SGCD: variants seen among roughly 807,000 people sequenced by gnomAD.
SGCD encodes the protein delta-sarcoglycan.
SGCD carries 18 observed loss-of-function variants against 36.6 expected under a neutral mutation model. That is an observed-to-expected ratio of 0.49 (90% CI 0.34 to 0.73). The LOEUF (loss-of-function observed/expected upper bound fraction) is 0.73. SGCD is among the 30% of genes least tolerant of loss of function. The probability of loss-of-function intolerance (pLI) is 0.01; values close to 1 mark genes in which losing one functional copy is unlikely to be tolerated. For missense variants in SGCD, 387 were observed against 346.7 expected (o/e 1.12, Z -0.92); for synonymous variants, 133 against 130.6 (o/e 1.02, Z -0.12).
At chr5:156,486,712 CA>C (rs1755679970) in intron 3 of SGCD, among the ~76,000 whole-genome samples, 1 of 152,170 alleles carries the variant, frequency 6.6e-6, no homozygotes, top group Non-Finnish European at 1.5e-5. Flanking sequence ...ACTTGCCTTC[CA>C]GGGGCATGAG....
intron 4 of SGCD, among the ~76,000 whole-genome samples, chr5:156,543,185 G>A (rs1043376526): frequency 6.6e-6 from 1 of 152,192 alleles, no homozygotes; most frequent in African/African-American, 2.4e-5. Flanking sequence ...TATTGCGGGA[G>A]CTGTCCTGTG....
chr5:155,803,256 A>T, the SGCD span, among the ~76,000 whole-genome samples: 30 of 152,350 alleles, frequency 2.0e-4, 1 homozygote, highest in South Asian at 4.6e-3. Context: ...AAAAGCCGAA[A>T]GAGCAGCCAG....
At chr5:156,539,500 A>G (rs1758264152) in intron 4 of SGCD, among the ~76,000 whole-genome samples, 1 of 152,022 alleles carries the variant, frequency 6.6e-6, no homozygotes, top group Non-Finnish European at 1.5e-5. Flanking sequence ...ATAAGTGAGG[A>G]CATAGGATAT....
chr5:156,204,540 C>T (rs1764227578), intron 3 of SGCD, among the ~76,000 whole-genome samples: 1 of 151,652 alleles, frequency 6.6e-6, no homozygotes, highest in East Asian at 1.9e-4. Flanking sequence ...TTGATTGATA[C>T]TACATGATTA....
At chr5:156,043,881 A>G (rs1462231304) in intron 1 of SGCD, among the ~76,000 whole-genome samples, 1 of 152,174 alleles carries the variant, frequency 6.6e-6, no homozygotes, top group Non-Finnish European at 1.5e-5. Context: ...GGCAAATCCC[A>G]AATCTGTCAG....
At chr5:155,938,018 T>A (rs1307917892) in intron 1 of SGCD, among the ~76,000 whole-genome samples, 1 of 152,202 alleles carries the variant, frequency 6.6e-6, no homozygotes, top group East Asian at 1.9e-4. Context: ...TGCTCTTTCT[T>A]TGAACCACAG....
rs1380238556 is a variant in SGCD, at chr5:156,183,980, A to T, written c.-44+59961A>T. The stretch of plus-strand genomic sequence containing the variant: ...AGGGTTACATTTTGACAAACACATC[A>T]TCAGCTGAAAATATTGTAAGTTGAA... On this transcript the variant is annotated intron_variant, in intron 3 of 9. Transcript: ENST00000517913. Among the ~76,000 whole-genome samples the T allele has an allele frequency of 2.0e-5, 3 of 152,218 alleles. No homozygotes were observed. The East Asian group carries it at 5.8e-4, about 29-fold the overall frequency.
upstream of SGCD, among the ~76,000 whole-genome samples, chr5:156,322,969 G>A (rs975884914): frequency 1.3e-5 from 2 of 152,164 alleles, no homozygotes; most frequent in African/African-American, 4.8e-5. Context: ...AAAAAATACT[G>A]TTGCCTGGTG....
intron 6 of SGCD, among the ~76,000 whole-genome samples, chr5:156,625,952 G>T (rs1181649686): frequency 2.0e-5 from 3 of 152,038 alleles, no homozygotes; most frequent in Admixed American, 1.3e-4. Context: ...TCTCAACAGT[G>T]GTGTGTTGAT....
At chr5:156,577,900 C>G (rs1216674136) in intron 4 of SGCD, among the ~76,000 whole-genome samples, 1 of 152,138 alleles carries the variant, frequency 6.6e-6, no homozygotes, top group Non-Finnish European at 1.5e-5. Context: ...TAATTGAATA[C>G]CCTTTATTTC....
intron 6 of SGCD, among the ~76,000 whole-genome samples, chr5:156,641,215 T>C (rs548746086): frequency 6.6e-6 from 1 of 152,320 alleles, no homozygotes; most frequent in East Asian, 1.9e-4. Flanking sequence ...CTCACTCTTC[T>C]ACAACTAACA....
intron 4 of SGCD, among the ~76,000 whole-genome samples, chr5:156,512,777 C>T (rs1757000453): frequency 6.6e-6 from 1 of 152,200 alleles, no homozygotes; most frequent in Non-Finnish European, 1.5e-5. Flanking sequence ...CTGCTGCATC[C>T]TTCCTACTTC....
the SGCD span, among the ~76,000 whole-genome samples, chr5:155,815,805 A>G: frequency 6.6e-6 from 1 of 152,202 alleles, no homozygotes; most frequent in East Asian, 1.9e-4. Flanking sequence ...TCCTCTTCCA[A>G]CACTGGGGAT....
At chr5:155,972,566 A>T (rs1024516488) in intron 1 of SGCD, among the ~76,000 whole-genome samples, 1 of 152,110 alleles carries the variant, frequency 6.6e-6, no homozygotes, top group African/African-American at 2.4e-5. Flanking sequence ...AATGTTCATG[A>T]TATGTGTGTT....
chr5:156,039,185 T>C (rs547604111), intron 1 of SGCD, among the ~76,000 whole-genome samples: 1 of 151,070 alleles, frequency 6.6e-6, no homozygotes, highest in Non-Finnish European at 1.5e-5. Flanking sequence ...CATTTAGTTT[T>C]TGCTCCTGTC....
chr5:156,429,550 A>G (rs1198216932), intron 3 of SGCD, among the ~76,000 whole-genome samples: 1 of 151,184 alleles, frequency 6.6e-6, no homozygotes, highest in Admixed American at 6.6e-5. Flanking sequence ...TATATTCATA[A>G]TGTTAGTTGT....
At chr5:156,600,199 A>G (rs997579833) in intron 6 of SGCD, among the ~76,000 whole-genome samples, 2 of 152,206 alleles carry the variant, frequency 1.3e-5, no homozygotes, top group Non-Finnish European at 2.9e-5. Flanking sequence ...ATTTTATAAC[A>G]TACAGTAACT....
chr5:155,989,656 T>G (rs980213191), intron 1 of SGCD, among the ~76,000 whole-genome samples: 1 of 152,204 alleles, frequency 6.6e-6, no homozygotes, highest in African/African-American at 2.4e-5. Flanking sequence ...GCAATGAAAT[T>G]TATTATACAT....
chr5:156,455,976 G>T (rs1413086285), intron 3 of SGCD, among the ~76,000 whole-genome samples: 1 of 152,178 alleles, frequency 6.6e-6, no homozygotes, highest in Non-Finnish European at 1.5e-5. Context: ...AAGCGAGGGA[G>T]AAGTCTCAGA....
Sources: allele counts gnomAD v4.1 joint callset (sites outside exome capture counted in the v4.1 genomes callset), GRCh38; gene constraint gnomAD v4.1.1; transcripts MANE v1.5; gene names NCBI Gene and HGNC (gene_info 2026-07-23, HGNC 2026-07-21).